STAM2: variants seen among roughly 807,000 people sequenced by gnomAD.
STAM2 encodes the protein signal transducing adapter molecule 2.
In STAM2, 51 loss-of-function variants were observed where a neutral mutation model predicts 65.6. The observed-to-expected ratio is 0.78, with a 90% CI of 0.62 to 0.98. The LOEUF is 0.98. Ranked by LOEUF, STAM2 falls within the 50% of genes least tolerant of loss-of-function variation. The pLI is 0.00. For missense variants in STAM2, 584 were observed against 617.8 expected, an observed-to-expected ratio of 0.95 and a Z score of 0.58; for synonymous variants, 198 against 208.4, an observed-to-expected ratio of 0.95 and a Z score of 0.43.
At chr2:152,157,998 C>T (rs1689584358) in intron 1 of STAM2, among the ~76,000 whole-genome samples, 1 of 152,006 alleles carries the variant, frequency 6.6e-6, no homozygotes, top group Admixed American at 6.6e-5. Context: ...AACAAGTGTC[C>T]CAAAATCAAG....
chr2:152,120,829 C>T (rs1481824443), intron 13 of STAM2, 27 bp from the exon 14 acceptor site: 2 of 1,562,666 alleles, frequency 1.3e-6, no homozygotes, highest in Non-Finnish European at 8.8e-7. Context: ...AAAAAGAAAA[C>T]CATATTTACT....
intron 13 of STAM2, among the ~76,000 whole-genome samples, chr2:152,122,084 G>GTGTGTGTT (rs1204588452): frequency 1.3e-5 from 2 of 149,460 alleles, no homozygotes; most frequent in Non-Finnish European, 3.0e-5. Context: ...ATATGTGTGT[G>GTGTGTGTT]TGTGTGTGTG....
intron 11 of STAM2, among the ~76,000 whole-genome samples, chr2:152,129,055 T>G (rs531112145): frequency 3.7e-4 from 56 of 152,318 alleles, no homozygotes; most frequent in African/African-American, 1.3e-3. Context: ...AAAATGCCAG[T>G]TGGCCTATTC....
intron 12 of STAM2, among the ~76,000 whole-genome samples, chr2:152,125,382 G>C (rs1055965572): frequency 1.3e-5 from 2 of 152,098 alleles, no homozygotes; most frequent in Admixed American, 1.3e-4. Context: ...TCTAAATTAT[G>C]CACCCACATT....
chr2:152,150,128 A>G lies in STAM2; in HGVS notation c.125+17T>C. Reference sequence around the variant, plus strand: ...TCAAGTTCCTAGACATTCACTGAGCATGACTGGACATCTTACCCATTAGGA... The same window carrying G: ...TCAAGTTCCTAGACATTCACTGAGCGTGACTGGACATCTTACCCATTAGGA... On this transcript the variant is annotated intron_variant, in intron 2 of 13. Coordinates refer to ENST00000263904, the MANE Select transcript of STAM2 (RefSeq NM_005843.6). 6.4e-7 allele frequency: 1 copy of G among 1,551,148 alleles called. No individual in the cohort carries two copies. The highest frequency in any genetic ancestry group is 8.9e-7 in the Non-Finnish European group (1 of 1,124,246).
At position 152,166,829 on chromosome 2, in the gene STAM2, C is replaced by A. The variant is rs115891187; in HGVS notation, c.40+8774G>T. 3.6e-3 allele frequency among the ~76,000 whole-genome samples: 546 copies of A among 152,222 alleles called. 7 individuals are homozygous for A. The highest frequency in any genetic ancestry group is 0.012 in the African/African-American group (506 of 41,534). On this transcript the variant is annotated intron_variant, in intron 1 of 13. Transcript: ENST00000263904. ...ATCCCATGACAAATGAAAGTAAAAGCTGCTGCTCCAGATAAGAATAAAAAA... is the reference window on the plus strand; with the variant it reads ...ATCCCATGACAAATGAAAGTAAAAGATGCTGCTCCAGATAAGAATAAAAAA...
chr2:152,175,371 G>A (rs1689994875), intron 1 of STAM2, among the ~76,000 whole-genome samples: 1 of 152,260 alleles, frequency 6.6e-6, no homozygotes, highest in African/African-American at 2.4e-5. Context: ...CAAGGAGAAC[G>A]GCCCTTTGAG....
chr2:152,159,264 C>T (rs962207765), intron 1 of STAM2, among the ~76,000 whole-genome samples: 9 of 150,898 alleles, frequency 6.0e-5, no homozygotes, highest in African/African-American at 2.2e-4. Context: ...TATGATCAAG[C>T]CACTACACTC....
At chr2:152,162,807 ATT>A (rs11424941) in intron 1 of STAM2, among the ~76,000 whole-genome samples, 1 of 145,438 alleles carries the variant, frequency 6.9e-6, no homozygotes, top group African/African-American at 2.5e-5. Context: ...TGCCTGGGTA[ATT>A]TTTTTTTTTT....
intron 1 of STAM2, among the ~76,000 whole-genome samples, chr2:152,163,817 C>T (rs1689729140): frequency 6.6e-6 from 1 of 152,226 alleles, no homozygotes; most frequent in South Asian, 2.1e-4. Flanking sequence ...TGAAATACGC[C>T]CTGGTCTCCT....
At chr2:152,152,636 C>T (rs181124425) in intron 1 of STAM2, among the ~76,000 whole-genome samples, 1 of 152,228 alleles carries the variant, frequency 6.6e-6, no homozygotes, top group East Asian at 1.9e-4. Context: ...TCTGTGTGGA[C>T]ATTACGCCTT....
chr2:152,149,496 CTTT>C (rs70974823), intron 2 of STAM2, among the ~76,000 whole-genome samples: 11 of 126,574 alleles, frequency 8.7e-5, no homozygotes, highest in South Asian at 2.7e-4. Context: ...ATAGTCTACT[CTTT>C]TTTTTTTTTT....
At chr2:152,134,624 AACTG>A (rs750626842) in intron 8 of STAM2, among the ~76,000 whole-genome samples, 2 of 152,222 alleles carry the variant, frequency 1.3e-5, no homozygotes, top group Non-Finnish European at 2.9e-5. Context: ...GTTAAGGTCA[AACTG>A]ACTGACTTTA....
At chr2:152,139,751 G>T (rs190249144) in intron 7 of STAM2, among the ~76,000 whole-genome samples, 1 of 152,236 alleles carries the variant, frequency 6.6e-6, no homozygotes, top group Admixed American at 6.5e-5. Flanking sequence ...AGCGCAGTTT[G>T]CCCTCTGTAT....
intron 7 of STAM2, among the ~76,000 whole-genome samples, chr2:152,136,887 T>C (rs1689165577): frequency 6.7e-6 from 1 of 149,590 alleles, no homozygotes; most frequent in Non-Finnish European, 1.5e-5. Context: ...AATATAAACA[T>C]TTTTCTTTTT....
chr2:152,143,945 C>T lies in STAM2; in HGVS notation c.586G>A (p.Glu196Lys). 1 of 1,613,822 alleles carries T rather than the reference C, an allele frequency of 6.2e-7. No homozygotes were observed. Among genetic ancestry groups the T allele is most frequent in the Non-Finnish European group, 8.5e-7 (1 of 1,179,864 alleles). The change falls in exon 7 of 14, where the codon GAA (glutamate) becomes AAA (lysine). Residue 196 changes from glutamate to lysine, a missense_variant. By Grantham distance (56) the Glu-to-Lys change is moderately conservative. Transcript: ENST00000263904. ...TETKSLYPSS[E>K]IQLNNKVARK... ...GCAACCTTATTATTTAACTGAATTT[C>T]TGAAGATGGATATAAGGATTTTGTT...
chr2:152,145,038 T>G, intron 5 of STAM2, 81 bp from the exon 6 acceptor site: 1 of 1,093,642 alleles, frequency 9.1e-7, no homozygotes, highest in Non-Finnish European at 1.4e-6. Context: ...GATGGTAAAT[T>G]TTAAAAAATA....
In STAM2 at chr2:152,120,468, G is replaced by T; in HGVS notation, c.*106C>A. 3.4e-6 allele frequency: 3 copies of T among 890,194 alleles called. No individual in the cohort carries two copies. The highest frequency in any genetic ancestry group is 2.7e-5 in the East Asian group (1 of 37,274). The allele number at this position is 890,194 out of a possible 1,614,324, so 55.1% of individuals were successfully genotyped here. A position where few individuals can be genotyped will look rare whatever the true frequency, so the allele number is the denominator to read the frequency against. On this transcript the variant is annotated 3_prime_UTR_variant, in exon 14 of 14. Transcript: ENST00000263904. ...GGTTTTTGTGCTTTATTTATTCATG[G>T]TCCTTTTGAGTTGAGAGGGAAAAAA...
intron 10 of STAM2, 113 bp from the exon 11 acceptor site, chr2:152,132,281 T>G: frequency 3.0e-6 from 2 of 663,962 alleles, no homozygotes; most frequent in Non-Finnish European, 5.0e-6. Context: ...TACACACAGA[T>G]TAAGCTCATG....
Sources: gnomAD v4.1 joint callset for allele counts (sites outside exome capture counted in the v4.1 genomes callset) on GRCh38, gnomAD v4.1.1 for gene constraint, MANE v1.5 for transcripts, NCBI Gene and HGNC (gene_info 2026-07-23, HGNC 2026-07-21) for gene names.